PTPRD: variants seen among roughly 807,000 people sequenced by gnomAD.
PTPRD encodes protein tyrosine phosphatase receptor type D.
A neutral mutation model predicts 214.5 loss-of-function variants in PTPRD; 34 were observed. The observed-to-expected ratio is 0.16, with a 90% CI of 0.12 to 0.21. The LOEUF is 0.21. PTPRD is among the 10% of genes least tolerant of loss of function. PTPRD has a pLI of 1.00. For synonymous variants in PTPRD, 1,128 were observed against 845.7 expected (o/e 1.33, Z -5.79); for missense variants, 2,545 against 2,398.7 (o/e 1.06, Z -1.27).
intron 10 of PTPRD, among the ~76,000 whole-genome samples, chr9:9,114,247 T>C (rs2099809986): frequency 6.6e-6 from 1 of 152,170 alleles, no homozygotes; most frequent in Non-Finnish European, 1.5e-5. Context: ...GGGATGGGTA[T>C]TGATGGCCAT....
intron 12 of PTPRD, among the ~76,000 whole-genome samples, chr9:8,674,875 C>T (rs2097369133): frequency 6.6e-6 from 1 of 152,058 alleles, no homozygotes; most frequent in Admixed American, 6.5e-5. Context: ...TTTTTTGCTT[C>T]CTTCACTAAA....
At chr9:9,061,832 C>T (rs1481756770) in intron 10 of PTPRD, among the ~76,000 whole-genome samples, 1 of 152,122 alleles carries the variant, frequency 6.6e-6, no homozygotes, top group African/African-American at 2.4e-5. Context: ...CTTCTATCCT[C>T]CTGTAGAGAG....
chr9:10,222,433 C>G (rs1305234778), intron 3 of PTPRD, among the ~76,000 whole-genome samples: 1 of 152,044 alleles, frequency 6.6e-6, no homozygotes, highest in African/African-American at 2.4e-5. Context: ...TCTAAACACC[C>G]TTAATAGCAT....
intron 20 of PTPRD, among the ~76,000 whole-genome samples, chr9:8,520,699 T>C (rs1010722521): frequency 6.6e-6 from 1 of 152,126 alleles, no homozygotes; most frequent in African/African-American, 2.4e-5. Flanking sequence ...ATTTAGTCTG[T>C]TTTTTAAAGG....
chr9:10,547,533 C>T (rs2060419063), intron 2 of PTPRD, among the ~76,000 whole-genome samples: 1 of 152,004 alleles, frequency 6.6e-6, no homozygotes, highest in South Asian at 2.1e-4. Context: ...AAAAAAATCT[C>T]ATTCCCCTCT....
At chr9:9,706,702 AG>A (rs1564659138) in intron 7 of PTPRD, among the ~76,000 whole-genome samples, 1 of 152,070 alleles carries the variant, frequency 6.6e-6, no homozygotes, top group Non-Finnish European at 1.5e-5. Context: ...AGCCTCCCAA[AG>A]TGCTAGCATT....
intron 11 of PTPRD, among the ~76,000 whole-genome samples, chr9:8,948,592 A>G (rs1328629521): frequency 8.6e-6 from 1 of 116,348 alleles, no homozygotes; most frequent in African/African-American, 3.3e-5. Context: ...CACACACACA[A>G]TGAAACGACA....
chr9:10,309,574 A>C (rs2096206730), intron 3 of PTPRD, among the ~76,000 whole-genome samples: 1 of 149,472 alleles, frequency 6.7e-6, no homozygotes, highest in African/African-American at 2.5e-5. Context: ...CATGTTGGTC[A>C]GGCTGGTTTC....
intron 2 of PTPRD, among the ~76,000 whole-genome samples, chr9:10,608,602 T>A (rs975444679): frequency 6.6e-6 from 1 of 152,098 alleles, no homozygotes; most frequent in African/African-American, 2.4e-5. Flanking sequence ...ATTAGTCACA[T>A]AGCTTGAAAG....
intron 14 of PTPRD, among the ~76,000 whole-genome samples, chr9:8,598,450 G>C (rs569397073): frequency 6.6e-6 from 1 of 151,022 alleles, no homozygotes; most frequent in South Asian, 2.1e-4. Flanking sequence ...AACAGAACAA[G>C]ACTGTCTCAA....
intron 9 of PTPRD, among the ~76,000 whole-genome samples, chr9:9,373,177 G>A: frequency 6.6e-6 from 1 of 152,002 alleles, no homozygotes; most frequent in East Asian, 1.9e-4. Flanking sequence ...ATGGACTGAA[G>A]ACCTGGACTT....
chr9:10,553,118 C>T (rs2061707322), intron 2 of PTPRD, among the ~76,000 whole-genome samples: 1 of 152,142 alleles, frequency 6.6e-6, no homozygotes, highest in Non-Finnish European at 1.5e-5. Context: ...CACAGAAGCA[C>T]ATCTGGATTT....
At chr9:8,326,488 A>AT (rs1720481684) in intron 44 of PTPRD, among the ~76,000 whole-genome samples, 1 of 150,968 alleles carries the variant, frequency 6.6e-6, no homozygotes, top group Non-Finnish European at 1.5e-5. Flanking sequence ...TTTATTGAGG[A>AT]TTTTGGCATC....
intron 3 of PTPRD, among the ~76,000 whole-genome samples, chr9:10,234,000 C>T (rs1202591304): frequency 2.0e-5 from 3 of 151,676 alleles, no homozygotes; most frequent in Non-Finnish European, 4.4e-5. Flanking sequence ...CGCCTGTAAT[C>T]CCAGCACTTT....
chr9:9,055,625 T>C (rs1050123699), intron 10 of PTPRD, among the ~76,000 whole-genome samples: 1 of 152,020 alleles, frequency 6.6e-6, no homozygotes, highest in Admixed American at 6.6e-5. Flanking sequence ...CCTCAAAACG[T>C]AGTAAAAGTT....
intron 7 of PTPRD, among the ~76,000 whole-genome samples, chr9:9,599,974 C>T (rs1004366730): frequency 1.3e-5 from 2 of 151,946 alleles, no homozygotes; most frequent in African/African-American, 2.4e-5. Context: ...CAATTGTCCC[C>T]AGAGTATTCC....
intron 3 of PTPRD, among the ~76,000 whole-genome samples, chr9:10,108,301 C>T (rs1005028138): frequency 7.9e-5 from 12 of 152,058 alleles, no homozygotes; most frequent in Admixed American, 3.3e-4. Context: ...ACTTCACAAA[C>T]GTATTTTTTT....
chr9:10,525,727 A>AGTGTGTGTGT lies in PTPRD; in HGVS notation c.-600+86661_-600+86670dup, dbSNP rs398010299. Among the ~76,000 whole-genome samples the AGTGTGTGTGT allele has an allele frequency of 5.9e-3, 873 of 147,046 alleles. 8 individuals carry two copies. Among genetic ancestry groups the AGTGTGTGTGT allele is most frequent in the East Asian group, 0.027 (136 of 4,970 alleles). On this transcript the variant is annotated intron_variant, in intron 2 of 45. Coordinates refer to ENST00000381196, the MANE Select transcript of PTPRD (RefSeq NM_002839.4). Reference sequence around the variant, plus strand: ...GGGAAGGATCCACAAAGATTTTCAAAGTGTGTGTGTGTGTGTGTGTGTGTG... The same window carrying AGTGTGTGTGT: ...GGGAAGGATCCACAAAGATTTTCAAAGTGTGTGTGTGTGTGTGTGTGTGTGTGTGTGTGTG...
intron 2 of PTPRD, among the ~76,000 whole-genome samples, chr9:10,433,234 A>T (rs780595375): frequency 2.6e-5 from 4 of 151,944 alleles, no homozygotes; most frequent in Non-Finnish European, 4.4e-5. Context: ...CTGTAAATAT[A>T]AGTTTATATA....
Sources: gnomAD v4.1 joint callset for allele counts (sites outside exome capture counted in the v4.1 genomes callset) on GRCh38, gnomAD v4.1.1 for gene constraint, MANE v1.5 for transcripts, NCBI Gene and HGNC (gene_info 2026-07-23, HGNC 2026-07-21) for gene names.